SLC25A41: variants seen among roughly 807,000 people sequenced by gnomAD.
SLC25A41 encodes mitochondrial carrier protein SCaMC-3L.
In SLC25A41, 35 loss-of-function variants were observed where a neutral mutation model predicts 34.7. That is an observed-to-expected ratio of 1.01 (90% confidence interval 0.77 to 1.34). The LOEUF (loss-of-function observed/expected upper bound fraction) is 1.34. Ranked by LOEUF, SLC25A41 falls within the 40% of genes most tolerant of loss-of-function variation. The pLI, the probability that SLC25A41 is intolerant of heterozygous loss-of-function variation, is 0.00. For missense variants in SLC25A41, 492 were observed against 489.8 expected (o/e 1.00, Z -0.04); for synonymous variants, 190 against 209.9 (o/e 0.91, Z 0.82).
chr19:6,430,437 T>G (rs2092280574), intron 2 of SLC25A41: 3 of 537,568 alleles, frequency 5.6e-6, no homozygotes, highest in Non-Finnish European at 1.0e-5. Flanking sequence ...TCCTTTCCTT[T>G]CTTTCTCCCT....
intron 2 of SLC25A41, chr19:6,430,446 CT>C (rs2092280586): frequency 1.9e-6 from 1 of 526,062 alleles, no homozygotes; most frequent in Admixed American, 3.4e-5. Flanking sequence ...TTCTTTCTCC[CT>C]TTTTGTTCCC....
At chr19:6,428,549 CAT>C (rs1259558867) in intron 4 of SLC25A41, among the ~76,000 whole-genome samples, 5 of 146,066 alleles carry the variant, frequency 3.4e-5, no homozygotes, top group Non-Finnish European at 7.5e-5. Context: ...ATATAACATG[CAT>C]AGACATATTT....
At chr19:6,429,164 A>T (rs184278891) in intron 4 of SLC25A41, among the ~76,000 whole-genome samples, 1,164 of 5,480 alleles carry the variant, frequency 0.21, 391 homozygotes, top group Admixed American at 0.41. Flanking sequence ...TTATATATAT[A>T]ATATATATAT....
chr19:6,429,638 GA>G (rs1367002292), intron 4 of SLC25A41, 85 bp downstream of exon 4: 1 of 931,092 alleles, frequency 1.1e-6, no homozygotes, highest in East Asian at 2.8e-5. Context: ...GAGGAGGGGA[GA>G]AAGGAGGAAG....
At position 6,427,391 on chromosome 19, in the gene SLC25A41, G is replaced by A. The variant is rs1205821116; in HGVS notation, c.735C>T (p.Tyr245=). 6.2e-7 allele frequency: 1 copy of A among 1,611,720 alleles called. No homozygotes were observed. The highest frequency in any genetic ancestry group is 8.5e-7 in the Non-Finnish European group (1 of 1,179,032). The part of the protein sequence containing the change: ...REGTRALYRG[Y]LPNMLGIIPY... ...GGATGATGCCGAGCATATTGGGCAG[G>A]TAGCCGCGGTAAAGGGCGCGGGTGC... The change falls in exon 5 of 7, where the codon TAC becomes TAT. Residue 245 remains tyrosine (Y), a synonymous_variant. Coordinates refer to ENST00000321510, the MANE Select transcript of SLC25A41 (RefSeq NM_173637.4). This position sits in a 1 kb window ranked among gnomAD's most constrained non-coding sequence, Gnocchi z 4.9.
At chr19:6,431,859 C>T (rs75023154) in intron 2 of SLC25A41, among the ~76,000 whole-genome samples, 190 bp downstream of exon 2, 15 of 152,052 alleles carry the variant, frequency 9.9e-5, no homozygotes, top group East Asian at 3.9e-4. Flanking sequence ...TCCTCAAACT[C>T]GACTCCAAGC....
In SLC25A41 at chr19:6,427,629, C is replaced by A; in HGVS notation, c.625-128G>T. The A allele has an allele frequency of 9.4e-7, 1 of 1,064,654 alleles. No individual in the cohort carries two copies. The highest frequency in any genetic ancestry group is 2.0e-5 in the South Asian group (1 of 49,888). 66.0% of individuals were successfully genotyped at this position (1,064,654 alleles called of 1,614,324 possible). A position where few individuals can be genotyped will look rare whatever the true frequency, so the allele number is the denominator to read the frequency against. On this transcript the variant is annotated intron_variant, in intron 4 of 6. Transcript: ENST00000321510. The surrounding 1 kb of genome is among the most constrained non-coding windows in gnomAD (Gnocchi z 4.9). ...GGAAGGCAAAGAGCTGGGTTTCAGACCCGGATCTGTCAGATTCCATGGAAT... is the reference window on the plus strand; with the variant it reads ...GGAAGGCAAAGAGCTGGGTTTCAGAACCGGATCTGTCAGATTCCATGGAAT...
intron 4 of SLC25A41, among the ~76,000 whole-genome samples, chr19:6,428,706 C>CAT (rs1320072008): frequency 7.4e-4 from 106 of 143,972 alleles, no homozygotes; most frequent in Middle Eastern, 3.7e-3. Context: ...ATATATAAAA[C>CAT]ATATATATAT....
intron 6 of SLC25A41, 128 bp downstream of exon 6, chr19:6,426,975 A>G: frequency 9.4e-7 from 1 of 1,066,146 alleles, no homozygotes; most frequent in South Asian, 1.6e-5. Context: ...CAGTCTCAAA[A>G]GTTATCAAAA....
chr19:6,426,461 T>C lies in SLC25A41; in HGVS notation c.1041A>G (p.Leu347=). The C allele has an allele frequency of 6.2e-7, 1 of 1,613,768 alleles. No homozygotes were observed. Among genetic ancestry groups the C allele is most frequent in the South Asian group, 1.1e-5 (1 of 91,088 alleles). The change falls in exon 7 of 7, where the codon CTA becomes CTG. Residue 347 remains leucine, a synonymous_variant. Transcript: ENST00000321510. The part of the protein sequence containing the change: ...LGLYRGMTPT[L]LKVLPAGGIS... ...TGCCACCTGCTGGTAAGACCTTCAG[T>C]AGCGTGGGGGTCATGCCTCGGTACA... is the stretch of plus-strand genomic sequence containing the variant.
chr19:6,433,878 T>A (rs142693265), upstream of SLC25A41: 3,223 of 488,502 alleles, frequency 6.6e-3, 26 homozygotes, highest in Non-Finnish European at 6.7e-3. Flanking sequence ...AGTATCCACC[T>A]CCTGATCCCC....
chr19:6,429,039 A>ATATAAT (rs1427334348), intron 4 of SLC25A41, among the ~76,000 whole-genome samples: 1 of 26,998 alleles, frequency 3.7e-5, no homozygotes, highest in African/African-American at 2.6e-4. Context: ...ATATATATAT[A>ATATAAT]ATATATATAT....
chr19:6,431,920 C>A (rs1245045504), intron 2 of SLC25A41, 129 bp downstream of exon 2: 3 of 1,141,600 alleles, frequency 2.6e-6, no homozygotes, highest in Non-Finnish European at 3.7e-6. Context: ...TCAGCTAGTC[C>A]AGGAGAGCCC....
chr19:6,431,528 C>G lies in SLC25A41; in HGVS notation c.363+521G>C, dbSNP rs1449002786. On this transcript the variant is annotated intron_variant, in intron 2 of 6. Transcript: ENST00000321510. The stretch of plus-strand genomic sequence containing the variant: ...AATCTCGGCTCACTGCAACCTCCAT[C>G]TCCTGGGTTCAAGCAATTCTCCTGC... Among the ~76,000 whole-genome samples, 6 of 151,960 alleles carry G rather than the reference C, an allele frequency of 3.9e-5. No individual in the cohort carries two copies. In the East Asian group the frequency reaches 1.2e-3, roughly 29 times the overall value.
intron 1 of SLC25A41, 145 bp from the exon 2 acceptor site, chr19:6,432,349 G>T: frequency 1.1e-6 from 1 of 875,496 alleles, no homozygotes; most frequent in Non-Finnish European, 1.7e-6. Flanking sequence ...GTCTTGCTCT[G>T]CTGCCCAGGT....
chr19:6,429,023 T>TTATATATATATATA (rs1188926856), intron 4 of SLC25A41, among the ~76,000 whole-genome samples: 1 of 51,866 alleles, frequency 1.9e-5, no homozygotes, highest in Non-Finnish European at 3.1e-5. Flanking sequence ...GCCTGAAAAT[T>TTATATATATATATA]TATATATATA....
chr19:6,426,168 T>G lies in SLC25A41; in HGVS notation c.*221A>C. 1 of 516,432 alleles carries G rather than the reference T, an allele frequency of 1.9e-6. No homozygotes were observed. Among genetic ancestry groups the G allele is most frequent in the Non-Finnish European group, 3.5e-6 (1 of 289,350 alleles). 32.0% of individuals were successfully genotyped at this position (516,432 alleles called of 1,614,324 possible). The stretch of plus-strand genomic sequence containing the variant: ...CTCAGGCTGCACCCTGGGGAGGGAG[T>G]CCCAGGAGTTTTCTGACCCAGCACT... On this transcript the variant is annotated 3_prime_UTR_variant, in exon 7 of 7. Transcript: ENST00000321510.
Position 6,429,154 on chromosome 19 carries a change from T to TG in SLC25A41, c.624+569_624+570insC. On this transcript the variant is annotated intron_variant, in intron 4 of 6. Transcript: ENST00000321510. ...GTTATATATATATATAATATATATA[T>TG]TATATATATAATATATATATAATAT... Among the ~76,000 whole-genome samples, 2 of 44,346 alleles carry TG rather than the reference T, an allele frequency of 4.5e-5. 1 individual carries two copies. Among genetic ancestry groups the TG allele is most frequent in the Non-Finnish European group, 7.1e-5 (2 of 28,356 alleles). 29.1% of individuals were successfully genotyped at this position (44,346 alleles called of 152,430 possible). A position where few individuals can be genotyped will look rare whatever the true frequency, so the allele number is the denominator to read the frequency against.
At chr19:6,432,469 C>CCTGA (rs768048607) in intron 1 of SLC25A41, among the ~76,000 whole-genome samples, 1,515 of 141,238 alleles carry the variant, frequency 0.011, 17 homozygotes, top group South Asian at 0.031. Context: ...CACCACAACA[C>CCTGA]CTAATTTTTT....
Sources: allele counts gnomAD v4.1 joint callset (sites outside exome capture counted in the v4.1 genomes callset), GRCh38; gene constraint gnomAD v4.1.1; non-coding constraint Gnocchi (gnomAD v3.1); transcripts MANE v1.5; gene names NCBI Gene and HGNC (gene_info 2026-07-23, HGNC 2026-07-21).